Variants in CD38 observed in about 807,000 individuals in gnomAD.
The protein encoded by CD38 is CD38 molecule.
Under a neutral mutation model 36.3 loss-of-function variants are expected in CD38, and 31 were observed. The observed-to-expected ratio is 0.85, with a 90% confidence interval of 0.64 to 1.15. The LOEUF is 1.15. Ranked by LOEUF, CD38 falls within the 50% of genes most tolerant of loss-of-function variation. The pLI, the probability that CD38 is intolerant of heterozygous loss-of-function variation, is 0.00. For missense variants in CD38, 380 were observed against 371.9 expected, an observed-to-expected ratio of 1.02 and a Z score of -0.18; for synonymous variants, 131 against 135.2, an observed-to-expected ratio of 0.97 and a Z score of 0.22.
At chr4:15,801,248 C>G (rs1381359170) in intron 1 of CD38, among the ~76,000 whole-genome samples, 1 of 151,612 alleles carries the variant, frequency 6.6e-6, no homozygotes, top group Non-Finnish European at 1.5e-5. Flanking sequence ...CCGAATAGAC[C>G]AATAACAATT....
rs554156920 is a variant in CD38 at position 15,790,745 on chromosome 4, C to T, written c.233+12098C>T. Among the ~76,000 whole-genome samples, 817 of 149,362 alleles carry T rather than the reference C, an allele frequency of 5.5e-3. 6 individuals are homozygous for T. The highest frequency in any genetic ancestry group is 0.019 in the African/African-American group (777 of 40,102). On this transcript the variant is annotated intron_variant, in intron 1 of 7. Transcript: ENST00000226279. ...TAGGAGGCGAGGAGCGCCTCTTCCC[C>T]GCCGCCATCCCATCTAGGAAGTGAG... is the stretch of plus-strand genomic sequence containing the variant.
At chr4:15,838,946 C>T (rs1724134552) in intron 5 of CD38, among the ~76,000 whole-genome samples, 1 of 152,142 alleles carries the variant, frequency 6.6e-6, no homozygotes, top group Middle Eastern at 3.2e-3. Context: ...CCTGTGCCTT[C>T]CTTGGCTGAT....
At chr4:15,834,165 T>G in intron 3 of CD38, 52 bp from the exon 4 acceptor site, 1 of 1,190,144 alleles carries the variant, frequency 8.4e-7, no homozygotes, top group Non-Finnish European at 1.3e-6. Context: ...AGAGTACAGC[T>G]TATTTATACT....
Position 15,838,166 on chromosome 4 carries a change from G to A in CD38, c.659+1G>A. 6.2e-7 allele frequency: 1 copy of A among 1,606,464 alleles called. No homozygotes were observed. Among genetic ancestry groups the A allele is most frequent in the Non-Finnish European group, 8.5e-7 (1 of 1,173,264 alleles). ...GCAGTAAAATCTTTGACAAAAACAG[G>A]TACACATTTATTTTGCATCCTGTTT... On this transcript the variant is annotated splice_donor_variant, in intron 5 of 7. Transcript: ENST00000226279. LOFTEE classifies it high-confidence loss of function.
intron 1 of CD38, among the ~76,000 whole-genome samples, chr4:15,784,102 C>A (rs1053275659): frequency 3.9e-5 from 6 of 152,198 alleles, no homozygotes; most frequent in African/African-American, 9.7e-5. Flanking sequence ...GAGGCCTGTA[C>A]ACAGCCAAGA....
intron 3 of CD38, among the ~76,000 whole-genome samples, 190 bp from the exon 4 acceptor site, chr4:15,834,027 A>G (rs1365836126): frequency 1.3e-5 from 2 of 152,228 alleles, no homozygotes; most frequent in African/African-American, 4.8e-5. Context: ...TTTGGAAGAT[A>G]AGGTAAGAAC....
At chr4:15,820,113 G>A (rs1723699875) in intron 2 of CD38, among the ~76,000 whole-genome samples, 1 of 152,184 alleles carries the variant, frequency 6.6e-6, no homozygotes, top group African/African-American at 2.4e-5. Context: ...AAATGAAGGA[G>A]AAATAAAATC....
rs549417696 is a variant in CD38, at chr4:15,841,620, G to C, written c.839+1082G>C. Among the ~76,000 whole-genome samples the C allele has an allele frequency of 6.6e-5, 10 of 151,254 alleles. No homozygotes were observed. In the South Asian group the frequency reaches 1.0e-3, roughly 16 times the overall value. On this transcript the variant is annotated intron_variant, in intron 7 of 7. Coordinates refer to ENST00000226279, the MANE Select transcript of CD38 (RefSeq NM_001775.4). ...CCCAGCGTGAGCGACGCAGAAGACG[G>C]GTGATTTCTGCATTTCCATCTGAGG... is the stretch of plus-strand genomic sequence containing the variant.
chr4:15,848,488 A>T, intron 7 of CD38, 51 bp from the exon 8 acceptor site: 3 of 1,415,390 alleles, frequency 2.1e-6, no homozygotes, highest in Non-Finnish European at 3.0e-6. Flanking sequence ...GAATTGGACG[A>T]CAGATGTATC....
chr4:15,848,448 G>A (rs775534561), intron 7 of CD38, 91 bp from the exon 8 acceptor site: 13 of 862,208 alleles, frequency 1.5e-5, no homozygotes, highest in South Asian at 2.9e-5. Flanking sequence ...GCACCTTGTC[G>A]TCGCTAAAAA....
rs1277868185 is a variant in CD38, at chr4:15,789,429, G to T, written c.233+10782G>T. On this transcript the variant is annotated intron_variant, in intron 1 of 7. Coordinates refer to ENST00000226279, the MANE Select transcript of CD38 (RefSeq NM_001775.4). ...ATAAACTCAGTTCAAAGAACATCTT[G>T]AGGCACCGAGTACATTTAAAAGTGG... Among the ~76,000 whole-genome samples the T allele has an allele frequency of 2.0e-5, 3 of 152,136 alleles. No homozygotes were observed. The South Asian group carries it at 6.2e-4, about 31-fold the overall frequency.
chr4:15,831,821 T>C (rs1356447742), intron 3 of CD38, among the ~76,000 whole-genome samples: 1 of 152,178 alleles, frequency 6.6e-6, no homozygotes, highest in Non-Finnish European at 1.5e-5. Flanking sequence ...GGGATATTGA[T>C]ATCTTTCTCT....
intron 1 of CD38, among the ~76,000 whole-genome samples, chr4:15,808,784 A>G (rs1164026323): frequency 1.3e-5 from 2 of 152,218 alleles, no homozygotes; most frequent in Non-Finnish European, 2.9e-5. Flanking sequence ...GCCTGGCCCT[A>G]CGGTAACTAT....
At chr4:15,790,191 C>T (rs961723678) in intron 1 of CD38, among the ~76,000 whole-genome samples, 1 of 137,424 alleles carries the variant, frequency 7.3e-6, no homozygotes, top group East Asian at 2.2e-4. Context: ...CCCTCTCCCT[C>T]TCTCTCCACG....
intron 5 of CD38, among the ~76,000 whole-genome samples, chr4:15,839,581 G>T (rs924715814): frequency 6.6e-6 from 1 of 151,434 alleles, no homozygotes; most frequent in East Asian, 1.9e-4. Context: ...CCACCACCAC[G>T]CCCAGCTAAT....
intron 3 of CD38, among the ~76,000 whole-genome samples, chr4:15,832,942 G>A (rs1443672355): frequency 3.3e-5 from 5 of 152,202 alleles, no homozygotes; most frequent in Non-Finnish European, 7.3e-5. Context: ...CAAACCACAA[G>A]ACACAGTCCT....
Position 15,836,950 on chromosome 4 carries a change from T to C in CD38, c.586-1142T>C, listed in dbSNP as rs186925377. ...GGGTTACTGCAATGTTTAAATGAGA[T>C]ACCACCATCCTATAACATAACCCAA... is the stretch of plus-strand genomic sequence containing the variant. On this transcript the variant is annotated intron_variant, in intron 4 of 7. Transcript: ENST00000226279. Among the ~76,000 whole-genome samples the C allele has an allele frequency of 2.4e-3, 371 of 152,356 alleles. 1 individual carries two copies. The highest frequency in any genetic ancestry group is 2.7e-3 in the Non-Finnish European group (183 of 68,030).
At chr4:15,803,833 C>CT (rs1482540643) in intron 1 of CD38, among the ~76,000 whole-genome samples, 2 of 152,098 alleles carry the variant, frequency 1.3e-5, no homozygotes, top group Non-Finnish European at 2.9e-5. Flanking sequence ...TCCCCAGTGC[C>CT]TAGCATTCCT....
chr4:15,793,522 C>T (rs1723049050), intron 1 of CD38, among the ~76,000 whole-genome samples: 1 of 152,052 alleles, frequency 6.6e-6, no homozygotes, highest in South Asian at 2.1e-4. Flanking sequence ...GAAACGTCTA[C>T]TGAATGATGT....
Sources: gnomAD v4.1 joint callset for allele counts (sites outside exome capture counted in the v4.1 genomes callset) on GRCh38, gnomAD v4.1.1 for gene constraint, MANE v1.5 for transcripts, NCBI Gene and HGNC (gene_info 2026-07-23, HGNC 2026-07-21) for gene names.